Variants in WWOX observed in about 807,000 individuals in gnomAD.
The protein encoded by WWOX is WW domain-containing oxidoreductase.
In WWOX, 69 loss-of-function variants were observed where a neutral mutation model predicts 46.2. That is an observed-to-expected ratio of 1.49 (90% CI 1.23 to 1.82). WWOX has a LOEUF of 1.82. Ranked by LOEUF, WWOX falls within the 40% of genes most tolerant of loss-of-function variation. The pLI, the probability that WWOX is intolerant of heterozygous loss-of-function variation, is 0.00. For missense variants in WWOX, 919 were observed against 542.6 expected, an observed-to-expected ratio of 1.69 and a Z score of -6.89; for synonymous variants, 359 against 202.6, an observed-to-expected ratio of 1.77 and a Z score of -6.56.
intron 8 of WWOX, among the ~76,000 whole-genome samples, chr16:79,109,706 A>C (rs1033432534): frequency 1.3e-5 from 2 of 152,206 alleles, no homozygotes; most frequent in African/African-American, 4.8e-5. Flanking sequence ...TATGATATTC[A>C]TAGAACAACT....
chr16:79,057,732 C>T (rs11643445), intron 8 of WWOX, among the ~76,000 whole-genome samples: 80,915 of 151,900 alleles, frequency 0.53, 21,813 homozygotes, highest in Admixed American at 0.56. Context: ...TCAGAATAGG[C>T]AAGGTAGAAG....
intron 8 of WWOX, chr16:78,890,196 A>G (rs923849495): frequency 6.6e-6 from 1 of 152,246 alleles, no homozygotes; most frequent in Admixed American, 6.5e-5. Flanking sequence ...GATTTTGTAA[A>G]TGAGGCACAT....
intron 8 of WWOX, among the ~76,000 whole-genome samples, chr16:78,634,801 G>A (rs1362919583): frequency 6.7e-6 from 1 of 149,254 alleles, no homozygotes; most frequent in Admixed American, 6.7e-5. Flanking sequence ...TAGAGGCTCA[G>A]CACCCGACTG....
chr16:78,608,691 A>C (rs1382823074), intron 8 of WWOX, among the ~76,000 whole-genome samples: 1 of 152,190 alleles, frequency 6.6e-6, no homozygotes, highest in Non-Finnish European at 1.5e-5. Flanking sequence ...GGGAACAGGC[A>C]TTACTGACAT....
chr16:78,946,006 C>G (rs946747925), intron 8 of WWOX, among the ~76,000 whole-genome samples: 4 of 152,124 alleles, frequency 2.6e-5, no homozygotes, highest in East Asian at 1.9e-4. Flanking sequence ...CCGGGCAACC[C>G]AAAAGAGCCG....
intron 8 of WWOX, among the ~76,000 whole-genome samples, chr16:78,626,824 A>C (rs963220930): frequency 6.6e-6 from 1 of 151,994 alleles, no homozygotes; most frequent in Non-Finnish European, 1.5e-5. Context: ...ATCACGGTAC[A>C]CTCATGGACA....
At chr16:78,308,850 A>G (rs970455434) in intron 5 of WWOX, among the ~76,000 whole-genome samples, 12 of 152,096 alleles carry the variant, frequency 7.9e-5, no homozygotes, top group South Asian at 2.1e-4. Flanking sequence ...CTTTTAACCA[A>G]TTGCCAATCA....
rs776855273 is a variant in WWOX at position 78,555,991 on chromosome 16, A to G, written c.1056+123239A>G. Among the ~76,000 whole-genome samples, 6 of 152,162 alleles carry G rather than the reference A, an allele frequency of 3.9e-5. No homozygotes were observed. In the East Asian group the frequency reaches 1.2e-3, roughly 29 times the overall value. ...GAATCGAGTGTCATGGAGGGGAGGA[A>G]GGGAAGTAACAGGGAGAAGAACTGT... is the stretch of plus-strand genomic sequence containing the variant. On this transcript the variant is annotated intron_variant, in intron 8 of 8. Transcript: ENST00000566780.
intron 8 of WWOX, among the ~76,000 whole-genome samples, chr16:78,837,202 G>C (rs2052010682): frequency 6.6e-6 from 1 of 152,186 alleles, no homozygotes. Context: ...TAACTGCTAG[G>C]CTGAACCAGA....
chr16:78,991,819 C>T (rs935418609), intron 8 of WWOX, among the ~76,000 whole-genome samples: 5 of 152,250 alleles, frequency 3.3e-5, no homozygotes, highest in African/African-American at 7.2e-5. Context: ...GTTTTCATCT[C>T]GGTGTTCATT....
At chr16:78,181,042 T>A (rs749662043) in intron 5 of WWOX, among the ~76,000 whole-genome samples, 1 of 152,156 alleles carries the variant, frequency 6.6e-6, no homozygotes, top group Non-Finnish European at 1.5e-5. Flanking sequence ...ATATCCTTCT[T>A]CCTTTTTGTT....
intron 4 of WWOX, among the ~76,000 whole-genome samples, chr16:78,120,630 T>A (rs1183277215): frequency 6.6e-6 from 1 of 151,660 alleles, no homozygotes; most frequent in Non-Finnish European, 1.5e-5. Flanking sequence ...AATTATAGTG[T>A]GATGTTGAAA....
intron 8 of WWOX, among the ~76,000 whole-genome samples, chr16:78,703,453 A>AT (rs112258892): frequency 3.5e-4 from 52 of 149,532 alleles, no homozygotes; most frequent in East Asian, 6.0e-4. Flanking sequence ...GTCTCTACAC[A>AT]TTTTTTTTTT....
chr16:78,601,799 G>A (rs2045629366), intron 8 of WWOX, among the ~76,000 whole-genome samples: 1 of 152,156 alleles, frequency 6.6e-6, no homozygotes, highest in Middle Eastern at 3.2e-3. Context: ...TTTCTCTGCG[G>A]AAGAGTAGGG....
chr16:78,835,955 A>G (rs971137181), intron 8 of WWOX, among the ~76,000 whole-genome samples: 4 of 152,158 alleles, frequency 2.6e-5, no homozygotes, highest in East Asian at 1.9e-4. Context: ...ATATAAAATT[A>G]TGTTACTACC....
At chr16:78,691,050 G>A (rs546740084) in intron 8 of WWOX, among the ~76,000 whole-genome samples, 32 of 152,278 alleles carry the variant, frequency 2.1e-4, no homozygotes, top group Non-Finnish European at 3.5e-4. Flanking sequence ...CTTCACTAAT[G>A]AGTTCTGACT....
At chr16:79,019,233 C>T (rs1336790386) in intron 8 of WWOX, among the ~76,000 whole-genome samples, 1 of 142,928 alleles carries the variant, frequency 7.0e-6, no homozygotes, top group Non-Finnish European at 1.5e-5. Flanking sequence ...TGTCACTTAG[C>T]AGTGGGGATG....
chr16:78,465,159 T>C (rs1452662010), intron 8 of WWOX, among the ~76,000 whole-genome samples: 1 of 152,216 alleles, frequency 6.6e-6, no homozygotes, highest in African/African-American at 2.4e-5. Flanking sequence ...ACATGGGAGT[T>C]CTGGGAACTA....
chr16:78,502,924 G>C (rs1023424958), intron 8 of WWOX, among the ~76,000 whole-genome samples: 2 of 152,180 alleles, frequency 1.3e-5, no homozygotes, highest in Non-Finnish European at 2.9e-5. Context: ...TGCTTCCAGC[G>C]ATAGCAAGGA....
Sources: allele counts gnomAD v4.1 joint callset (sites outside exome capture counted in the v4.1 genomes callset), GRCh38; gene constraint gnomAD v4.1.1; transcripts MANE v1.5; gene names NCBI Gene and HGNC (gene_info 2026-07-23, HGNC 2026-07-21).